The following UNC93A variants were observed in gnomAD, a reference collection of about 807,000 sequenced individuals.
UNC93A encodes unc-93 homolog A.
UNC93A carries 43 observed loss-of-function variants against 47.5 expected under a neutral mutation model. That is an observed-to-expected ratio of 0.91 (90% confidence interval 0.71 to 1.17). The LOEUF (loss-of-function observed/expected upper bound fraction) is 1.17. Ranked by LOEUF, UNC93A falls within the 50% of genes most tolerant of loss-of-function variation. The pLI is 0.00. For synonymous variants in UNC93A, 280 were observed against 258.0 expected (o/e 1.09, Z -0.82); for missense variants, 605 against 577.6 (o/e 1.05, Z -0.49).
chr6:167,272,980 C>T (rs1041136701), intron 1 of UNC93A, among the ~76,000 whole-genome samples: 2 of 151,940 alleles, frequency 1.3e-5, no homozygotes, highest in South Asian at 2.1e-4. Context: ...AGTGCCCTGG[C>T]AGAGGAGGAG....
intron 7 of UNC93A, among the ~76,000 whole-genome samples, chr6:167,310,135 T>C (rs1778517427): frequency 6.6e-6 from 1 of 152,266 alleles, no homozygotes; most frequent in Admixed American, 6.5e-5. Flanking sequence ...AACTGTCCCC[T>C]GGATGTGTGG....
intron 2 of UNC93A, among the ~76,000 whole-genome samples, chr6:167,295,655 CCCTCGTGATCCTCGCCTG>C (rs1562350497): frequency 0.011 from 751 of 69,830 alleles, 111 homozygotes; most frequent in Non-Finnish European, 0.014. Context: ...CTCCTCGCCT[CCCTCGTGATCCTCGCCTG>C]CCTCGTGCTC....
upstream of UNC93A, among the ~76,000 whole-genome samples, chr6:167,288,381 T>C (rs1783777721): frequency 1.3e-5 from 2 of 152,026 alleles, no homozygotes; most frequent in Admixed American, 1.3e-4. Flanking sequence ...TTTAAGATGC[T>C]TTGGAACATT....
chr6:167,304,215 G>A, intron 5 of UNC93A, 82 bp downstream of exon 5: 2 of 1,497,630 alleles, frequency 1.3e-6, no homozygotes, highest in South Asian at 2.3e-5. Flanking sequence ...CAGGACCGCA[G>A]AGTGTCTCAG....
intron 7 of UNC93A, among the ~76,000 whole-genome samples, chr6:167,313,648 G>A (rs1778615257): frequency 6.6e-6 from 1 of 152,110 alleles, no homozygotes; most frequent in African/African-American, 2.4e-5. Context: ...AGAGTTGCCT[G>A]TATTACTAGA....
At position 167,296,104 on chromosome 6, in the gene UNC93A, C is replaced by G. The variant is rs1359726942; in HGVS notation, c.342C>G (p.Tyr114Ter). 2 of 1,614,106 alleles carry G rather than the reference C, an allele frequency of 1.2e-6. No individual in the cohort carries two copies. Among genetic ancestry groups the G allele is most frequent in the Non-Finnish European group, 1.7e-6 (2 of 1,180,064 alleles). Residue 114 changes from tyrosine (Y) to a stop codon, truncating the protein, a stop_gained, in exon 3 of 8, where the codon TAC (tyrosine) becomes TAG (stop). Coordinates refer to ENST00000230256, the MANE Select transcript of UNC93A (RefSeq NM_018974.4). LOFTEE classifies it high-confidence loss of function. ...CGCTGTGGTCTGCACAGTGCACATA[C>G]CTCACGATCACGGGAAACACACATG... is the stretch of plus-strand genomic sequence containing the variant. ...AAPLWSAQCT[Y>*]LTITGNTHAE...
intron 1 of UNC93A, among the ~76,000 whole-genome samples, chr6:167,273,478 G>C (rs1207370982): frequency 6.6e-6 from 1 of 152,128 alleles, no homozygotes; most frequent in Non-Finnish European, 1.5e-5. Flanking sequence ...CACACCTTTG[G>C]GTGCCATATG....
chr6:167,294,033 C>T (rs572750988), intron 1 of UNC93A, among the ~76,000 whole-genome samples: 21 of 152,314 alleles, frequency 1.4e-4, no homozygotes, highest in African/African-American at 3.8e-4. Context: ...CACTCGGAGG[C>T]GGGCGATGGA....
At chr6:167,296,570 G>A (rs1183524250) in intron 3 of UNC93A, among the ~76,000 whole-genome samples, 1 of 152,218 alleles carries the variant, frequency 6.6e-6, no homozygotes, top group Non-Finnish European at 1.5e-5. Context: ...TTGTGTTCAT[G>A]GAGTCTCAAC....
chr6:167,269,272 C>T (rs770040111), upstream of UNC93A, among the ~76,000 whole-genome samples: 20 of 152,202 alleles, frequency 1.3e-4, no homozygotes, highest in South Asian at 4.1e-4. Context: ...CGGTGAGCGA[C>T]GCCCAGAGAC....
At chr6:167,282,729 A>G (rs73259192) in intron 1 of UNC93A, among the ~76,000 whole-genome samples, 2,909 of 152,318 alleles carry the variant, frequency 0.019, 102 homozygotes, top group African/African-American at 0.066. Context: ...TCCAGGACAC[A>G]GATCCTGAGA....
chr6:167,311,684 C>T (rs1270665918), intron 7 of UNC93A, among the ~76,000 whole-genome samples: 1 of 152,252 alleles, frequency 6.6e-6, no homozygotes, highest in Non-Finnish European at 1.5e-5. Context: ...CCCTGGGCCA[C>T]CTGGGAAGAG....
chr6:167,295,794 C>A (rs775462577), intron 2 of UNC93A, among the ~76,000 whole-genome samples: 1 of 152,260 alleles, frequency 6.6e-6, no homozygotes, highest in Non-Finnish European at 1.5e-5. Flanking sequence ...ATACAAGGAG[C>A]CTCACTGGCT....
At chr6:167,295,398 G>A (rs1384474149) in intron 2 of UNC93A, among the ~76,000 whole-genome samples, 3 of 150,374 alleles carry the variant, frequency 2.0e-5, no homozygotes, top group Non-Finnish European at 4.4e-5. Flanking sequence ...CGTGCTCCTC[G>A]CCTCCCTCGT....
chr6:167,291,914 T>C (rs1280681277), intron 1 of UNC93A, among the ~76,000 whole-genome samples: 6 of 152,198 alleles, frequency 3.9e-5, no homozygotes, highest in Non-Finnish European at 8.8e-5. Flanking sequence ...CTATGATTGA[T>C]TGGATGCCCT....
At chr6:167,297,541 T>A (rs2076010) in intron 3 of UNC93A, among the ~76,000 whole-genome samples, 3 of 151,886 alleles carry the variant, frequency 2.0e-5, no homozygotes, top group African/African-American at 7.3e-5. Context: ...CCAAAGTCAT[T>A]GAGTTGGTAA....
At chr6:167,285,964 A>C (rs139628590) in intron 1 of UNC93A, among the ~76,000 whole-genome samples, 22,000 of 127,334 alleles carry the variant, frequency 0.17, 1,997 homozygotes, top group Admixed American at 0.27. Flanking sequence ...CTCTCTCTAT[A>C]TATATATATA....
chr6:167,304,189 C>T (rs551884768), intron 5 of UNC93A, 56 bp downstream of exon 5: 2 of 1,591,864 alleles, frequency 1.3e-6, no homozygotes, highest in Admixed American at 1.7e-5. Context: ...CACTGCCTTG[C>T]CTGTGTCTGT....
intron 6 of UNC93A, among the ~76,000 whole-genome samples, chr6:167,306,895 T>A (rs1045817061): frequency 2.0e-5 from 3 of 152,280 alleles, no homozygotes; most frequent in Non-Finnish European, 4.4e-5. Context: ...GCAGCCTCAT[T>A]ACTGCATCCT....
Sources: gnomAD v4.1 joint callset for allele counts (sites outside exome capture counted in the v4.1 genomes callset) on GRCh38, gnomAD v4.1.1 for gene constraint, MANE v1.5 for transcripts, NCBI Gene and HGNC (gene_info 2026-07-23, HGNC 2026-07-21) for gene names.